XKRX: variants seen among roughly 807,000 people sequenced by gnomAD.
XKRX encodes XK-related protein 2.
XKRX carries 11 observed loss-of-function variants against 22.4 expected under a neutral mutation model. The ratio of observed to expected loss-of-function variants is 0.49; its 90% CI spans 0.31 to 0.81. The LOEUF (loss-of-function observed/expected upper bound fraction) is 0.81, where lower values mean the gene tolerates loss of function less well. XKRX is among the 40% of genes least tolerant of loss of function. The pLI, the probability that XKRX is intolerant of heterozygous loss-of-function variation, is 0.05. For missense variants in XKRX, 320 were observed against 336.5 expected (o/e 0.95, Z 0.38); for synonymous variants, 114 against 132.2 (o/e 0.86, Z 0.94).
chrX:100,943,455 G>C, the XKRX span, among the ~76,000 whole-genome samples: 2 of 111,707 alleles, frequency 1.8e-5, no homozygotes, highest in Non-Finnish European at 3.8e-5. Context: ...CCAGGCTGGA[G>C]TGCAATGGCA....
Position 100,914,067 on chromosome X carries a change from C to T in XKRX, c.*271G>A, listed in dbSNP as rs1037035523. ...TTAGAGAGCCTAAAGTGTTTGAAGA[C>T]AAGTTATTCCAATTGACTTGGGTAA... On this transcript the variant is annotated 3_prime_UTR_variant, in exon 3 of 3. Transcript: ENST00000372956. 2.4e-5 allele frequency: 8 copies of T among 339,967 alleles called. No homozygotes were observed. The Admixed American group carries it at 3.9e-4, about 17-fold the overall frequency. 28.0% of individuals were successfully genotyped at this position (339,967 alleles called of 1,213,427 possible). A position where few individuals can be genotyped will look rare whatever the true frequency, so the allele number is the denominator to read the frequency against.
chrX:100,922,136 G>A (rs1052650877), intron 2 of XKRX, among the ~76,000 whole-genome samples: 1 of 110,610 alleles, frequency 9.0e-6, no homozygotes, highest in Non-Finnish European at 1.9e-5. Flanking sequence ...CCCAGCCCAC[G>A]CTCCTTTTCT....
At chrX:100,909,305 G>A (rs751296252), downstream of XKRX, among the ~76,000 whole-genome samples, 5 of 112,158 alleles carry the variant, frequency 4.5e-5, no homozygotes, top group African/African-American at 1.6e-4. Context: ...GAATTCAGTG[G>A]TGCCTCCTGA....
chrX:100,923,287 G>A (rs200828538), intron 1 of XKRX, among the ~76,000 whole-genome samples: 3 of 111,862 alleles, frequency 2.7e-5, no homozygotes, highest in Admixed American at 9.4e-5. Flanking sequence ...GAGTAGCTAG[G>A]ACTACAGGCG....
At chrX:100,931,744 C>T (rs193060028), upstream of XKRX, among the ~76,000 whole-genome samples, 46 of 110,824 alleles carry the variant, frequency 4.2e-4, no homozygotes, top group Non-Finnish European at 6.8e-4. Flanking sequence ...ATGATGATGA[C>T]GCTTCCTCCC....
At position 100,914,929 on chromosome X, in the gene XKRX, G is replaced by A. The variant is rs763783898; in HGVS notation, c.759C>T (p.Ser253=). The A allele has an allele frequency of 4.1e-6, 5 of 1,211,759 alleles. No homozygotes were observed. Among genetic ancestry groups the A allele is most frequent in the Non-Finnish European group, 5.6e-6 (5 of 895,576 alleles). ...ITIWRTLEIT[S]RLLILVLFSA... The stretch of plus-strand genomic sequence containing the variant: ...AGAAGAGCACCAGAATCAGGAGGCG[G>A]GAAGTGATCTCCAATGTCCGCCAGA... The change falls in exon 3 of 3, where the codon TCC becomes TCT. Residue 253 remains serine, a synonymous_variant. Transcript: ENST00000372956.
the XKRX span, among the ~76,000 whole-genome samples, chrX:100,893,300 G>A: frequency 2.7e-5 from 3 of 111,726 alleles, no homozygotes; most frequent in Non-Finnish European, 5.6e-5. Context: ...CTTGAAAATT[G>A]CTAAGAGAGT....
intron 2 of XKRX, among the ~76,000 whole-genome samples, chrX:100,921,806 A>G (rs1271677511): frequency 1.1e-5 from 1 of 92,468 alleles, no homozygotes; most frequent in Non-Finnish European, 2.1e-5. Context: ...CCTGACTCTC[A>G]TTAGTATTAA....
In XKRX at chrX:100,928,380, C is replaced by T; in HGVS notation, c.-76G>A. On this transcript the variant is annotated 5_prime_UTR_variant, in exon 1 of 3. Transcript: ENST00000372956. Reference sequence around the variant, plus strand: ...ACCCATCCCCAAGAGAACCCTATGGCCGCTACAGTCCAAGTATAGGTGAGG... The same window carrying T: ...ACCCATCCCCAAGAGAACCCTATGGTCGCTACAGTCCAAGTATAGGTGAGG... 1 of 1,154,476 alleles carries T rather than the reference C, an allele frequency of 8.7e-7. No individual in the cohort carries two copies. Among genetic ancestry groups the T allele is most frequent in the Non-Finnish European group, 1.2e-6 (1 of 866,146 alleles).
upstream of XKRX, among the ~76,000 whole-genome samples, chrX:100,934,151 C>T (rs1450975490): frequency 3.6e-5 from 4 of 111,863 alleles, no homozygotes; most frequent in South Asian, 3.7e-4. Flanking sequence ...TATCTGGTTT[C>T]TTTCACTTAG....
chrX:100,896,451 T>TA, the XKRX span, among the ~76,000 whole-genome samples: 5 of 112,148 alleles, frequency 4.5e-5, no homozygotes, highest in Non-Finnish European at 9.4e-5. Flanking sequence ...GAACAGTTTT[T>TA]ATCATGTATC....
chrX:100,949,364 GTTT>G, the XKRX span, among the ~76,000 whole-genome samples: 1 of 15,991 alleles, frequency 6.3e-5, no homozygotes, highest in South Asian at 3.9e-3. Flanking sequence ...GTTTTTGGTT[GTTT>G]TTTTTTTTTT....
chrX:100,956,889 A>G, the XKRX span: 1 of 923,885 alleles, frequency 1.1e-6, no homozygotes, highest in Non-Finnish European at 1.5e-6. Context: ...AATTTGTCAC[A>G]AGTGAGTCTA....
chrX:100,912,587 C>T (rs1218846758), downstream of XKRX, among the ~76,000 whole-genome samples: 3 of 111,972 alleles, frequency 2.7e-5, no homozygotes, highest in Non-Finnish European at 5.6e-5. Flanking sequence ...TGGATGAGGA[C>T]AGGAAGCCCT....
At chrX:100,894,866 A>T in the XKRX span, among the ~76,000 whole-genome samples, 1 of 112,310 alleles carries the variant, frequency 8.9e-6, no homozygotes, top group Non-Finnish European at 1.9e-5. Context: ...ATAAAGTATA[A>T]GAATTTCTGA....
chrX:100,917,573 GAA>G (rs1480438166), intron 2 of XKRX, among the ~76,000 whole-genome samples: 1 of 97,869 alleles, frequency 1.0e-5, no homozygotes. Context: ...GAGAGAGAAA[GAA>G]AGAGAGAAAG....
chrX:100,910,312 G>A (rs182298716), downstream of XKRX, among the ~76,000 whole-genome samples: 1 of 111,080 alleles, frequency 9.0e-6, no homozygotes, highest in African/African-American at 3.3e-5. Flanking sequence ...TAGGCCAGGG[G>A]TGGTGGCTCA....
At chrX:100,927,780 C>T (rs1306860952) in intron 1 of XKRX, among the ~76,000 whole-genome samples, 190 bp downstream of exon 1, 1 of 112,061 alleles carries the variant, frequency 8.9e-6, no homozygotes, top group Non-Finnish European at 1.9e-5. Context: ...AAGTACATAC[C>T]ACATGTTCAT....
chrX:100,888,356 A>T, the XKRX span: 1 of 728,326 alleles, frequency 1.4e-6, no homozygotes, highest in South Asian at 2.1e-5. Flanking sequence ...TTTTCCATCC[A>T]CCTTGTGTGG....
Sources: gnomAD v4.1 joint callset for allele counts (sites outside exome capture counted in the v4.1 genomes callset) on GRCh38, gnomAD v4.1.1 for gene constraint, MANE v1.5 for transcripts, NCBI Gene and HGNC (gene_info 2026-07-23, HGNC 2026-07-21) for gene names.